The following ZMAT1 variants were observed in gnomAD, a reference collection of about 807,000 sequenced individuals.
ZMAT1 encodes the protein zinc finger matrin-type protein 1.
A neutral mutation model predicts 18.5 loss-of-function variants in ZMAT1; 11 were observed. The ratio of observed to expected loss-of-function variants is 0.59; its 90% confidence interval spans 0.37 to 0.98. The LOEUF is 0.98. ZMAT1 is among the 50% of genes least tolerant of loss of function. The probability of loss-of-function intolerance (pLI) is 0.01; values close to 1 mark genes in which losing one functional copy is unlikely to be tolerated. For missense variants in ZMAT1, 525 were observed against 496.2 expected (o/e 1.06, Z -0.55); for synonymous variants, 211 against 176.4 (o/e 1.20, Z -1.55).
rs150673343 is a variant in ZMAT1 at position 101,911,641 on chromosome X, G to A, written c.293-7311C>T. On this transcript the variant is annotated intron_variant, in intron 1 of 5. Coordinates refer to ENST00000651725, the MANE Select transcript of ZMAT1 (RefSeq NM_001394560.1). ...CCTCACCAAACATTAGCGAATCCAC[G>A]CTGGGGAGAAGCCAGCCCTACGAAT... 2.7e-3 allele frequency: 3,224 copies of A among 1,202,240 alleles called. 55 individuals are homozygous for A. The African/African-American group carries it at 0.049, about 18-fold the overall frequency.
intron 4 of ZMAT1, chrX:101,894,402 C>G (rs1301198747): frequency 1.3e-6 from 1 of 748,107 alleles, no homozygotes; most frequent in Non-Finnish European, 1.6e-6. Context: ...CAGCTTGGTG[C>G]TTCATTAAAT....
intron 4 of ZMAT1, chrX:101,887,319 C>T: frequency 1.5e-6 from 1 of 679,695 alleles, no homozygotes; most frequent in Non-Finnish European, 1.8e-6. Flanking sequence ...AACAAAACTA[C>T]TAGTTACCAC....
rs1044220982 is a variant in ZMAT1, at chrX:101,931,825, C to G, written c.184G>C (p.Gly62Arg). The G allele has an allele frequency of 6.4e-6, 5 of 783,449 alleles. No homozygotes were observed. Among genetic ancestry groups the G allele is most frequent in the East Asian group, 1.5e-4 (1 of 6,861 alleles). The allele number at this position is 783,449 out of a possible 1,213,427, so 64.6% of individuals were successfully genotyped here. The change falls in exon 1 of 6, where the codon GGT becomes CGT. Residue 62 changes from glycine (G) to arginine (R), a missense_variant. Transcript: ENST00000651725. The part of the protein sequence containing the change: ...ATSAPACPPA[G>R]GCGDGGGGGF... ...CCGCCGCCGCCGTCGCCACAGCCACCGGCAGGCGGGCAGGCAGGGGCGGAG... is the reference window on the plus strand; with the variant it reads ...CCGCCGCCGCCGTCGCCACAGCCACGGGCAGGCGGGCAGGCAGGGGCGGAG...
intron 1 of ZMAT1, chrX:101,915,654 C>G (rs189438240): frequency 1.8e-5 from 2 of 112,352 alleles, no homozygotes; most frequent in African/African-American, 6.5e-5. Context: ...ATGGCCCCTG[C>G]ATATGGATGA....
chrX:101,894,267 G>GA (rs1927641497), intron 4 of ZMAT1, among the ~76,000 whole-genome samples: 1 of 111,486 alleles, frequency 9.0e-6, no homozygotes, highest in Admixed American at 9.5e-5. Flanking sequence ...GATGCCAATG[G>GA]TGTTGATCCA....
intron 1 of ZMAT1, 155 bp downstream of exon 1, chrX:101,931,562 T>C (rs1930487435): frequency 1.4e-6 from 1 of 714,686 alleles, no homozygotes; most frequent in Non-Finnish European, 1.6e-6. Flanking sequence ...TCGGGGCTAA[T>C]ACGGCGGGGC....
At position 101,884,357 on chromosome X, in the gene ZMAT1, G is replaced by A; in HGVS notation, c.1241C>T (p.Ser414Leu). The change falls in exon 6 of 6, where the codon TCA (serine) becomes TTA (leucine). Residue 414 changes from serine to leucine, a missense_variant. Coordinates refer to ENST00000651725, the MANE Select transcript of ZMAT1 (RefSeq NM_001394560.1). The part of the protein sequence containing the change: ...PRSRMCEQRF[S>L]HEASQTYQRP... ...TTGGTAGGTCTGGGAAGCCTCATGT[G>A]AAAATCTTTGCTCACACATTCTTGA... 1.2e-5 allele frequency: 15 copies of A among 1,210,955 alleles called. No individual in the cohort carries two copies. Among genetic ancestry groups the A allele is most frequent in the Non-Finnish European group, 1.7e-5 (15 of 895,183 alleles).
chrX:101,911,571 C>T, intron 1 of ZMAT1: 1 of 1,142,910 alleles, frequency 8.7e-7, no homozygotes, highest in Non-Finnish European at 1.2e-6. Context: ...GGGAGAAGCC[C>T]TATGAATGCA....
intron 2 of ZMAT1, among the ~76,000 whole-genome samples, chrX:101,901,792 G>A (rs745641089): frequency 2.7e-5 from 3 of 111,478 alleles, no homozygotes; most frequent in South Asian, 7.4e-4. Context: ...TTTCCAAATT[G>A]CTTTTTAAAA....
chrX:101,927,979 T>C (rs1407816344), intron 1 of ZMAT1, among the ~76,000 whole-genome samples: 2 of 112,168 alleles, frequency 1.8e-5, no homozygotes, highest in African/African-American at 6.5e-5. Context: ...TATCTCCACC[T>C]GCCAAATGCA....
At chrX:101,906,629 G>C (rs1242049570) in intron 1 of ZMAT1, among the ~76,000 whole-genome samples, 2 of 111,730 alleles carry the variant, frequency 1.8e-5, no homozygotes, top group African/African-American at 6.5e-5. Context: ...GCTTGCCCCC[G>C]TGGACCCAGG....
In ZMAT1 at chrX:101,884,352, CAT is replaced by C; in HGVS notation, c.1244_1245del (p.His415ArgfsTer32). On this transcript the variant is annotated frameshift_variant, in exon 6 of 6. Coordinates refer to ENST00000651725, the MANE Select transcript of ZMAT1 (RefSeq NM_001394560.1). LOFTEE classifies it low-confidence loss of function (END_TRUNC). The part of the protein sequence containing the change: ...RSRMCEQRFS[H>X]EASQTYQRPY... ...GGTCGTTGGTAGGTCTGGGAAGCCTCATGTGAAAATCTTTGCTCACACATTCT... is the reference window on the plus strand; with the variant it reads ...GGTCGTTGGTAGGTCTGGGAAGCCTCGTGAAAATCTTTGCTCACACATTCT... The C allele has an allele frequency of 1.7e-6, 2 of 1,211,114 alleles. No homozygotes were observed. The highest frequency in any genetic ancestry group is 2.2e-6 in the Non-Finnish European group (2 of 895,216).
At chrX:101,927,551 G>T (rs1930129293) in intron 1 of ZMAT1, among the ~76,000 whole-genome samples, 1 of 112,173 alleles carries the variant, frequency 8.9e-6, no homozygotes, top group South Asian at 3.6e-4. Context: ...CAAAATAATT[G>T]GGAGTACTAG....
At position 101,898,169 on chromosome X, in the gene ZMAT1, G is replaced by T; in HGVS notation, c.451C>A (p.Gln151Lys). Residue 151 changes from glutamine to lysine, a missense_variant, in exon 3 of 6, where the codon CAA (glutamine) becomes AAA (lysine). By Grantham distance (53) the Gln-to-Lys change is moderately conservative (BLOSUM62 1). Coordinates refer to ENST00000651725, the MANE Select transcript of ZMAT1 (RefSeq NM_001394560.1). ...ATTTTCTTACCAGGCACTTCATTTT[G>T]TTCCCCATGCATTTGAAAATAAAAA... is the stretch of plus-strand genomic sequence containing the variant. ...VSFYFQMHGE[Q>K]NEVPGKKMKM... 1 of 1,210,685 alleles carries T rather than the reference G, an allele frequency of 8.3e-7. No homozygotes were observed. Among genetic ancestry groups the T allele is most frequent in the Non-Finnish European group, 1.1e-6 (1 of 895,019 alleles).
chrX:101,900,822 T>C (rs1262170081), intron 2 of ZMAT1, among the ~76,000 whole-genome samples: 2 of 111,829 alleles, frequency 1.8e-5, no homozygotes, highest in African/African-American at 6.5e-5. Context: ...AGAATTGTTT[T>C]TTATAATTCC....
At chrX:101,912,876 A>G (rs1048201414) in intron 1 of ZMAT1, among the ~76,000 whole-genome samples, 6 of 112,114 alleles carry the variant, frequency 5.4e-5, no homozygotes, top group Non-Finnish European at 1.1e-4. Flanking sequence ...AGTCTCACTG[A>G]CTTTGAGATG....
chrX:101,929,417 G>GATTATATATATATATATAT (rs1333708989), intron 1 of ZMAT1, among the ~76,000 whole-genome samples: 1 of 36,914 alleles, frequency 2.7e-5, no homozygotes, highest in Non-Finnish European at 5.9e-5. Context: ...TATATATAGA[G>GATTATATATATATATATAT]AGAGATTATA....
chrX:101,915,316 T>G lies in ZMAT1; in HGVS notation c.293-10986A>C, dbSNP rs369809823. ...GTGTCAAAACTGTTATTCAGCATAG[T>G]ACTAGAAGTCCTAGCTAGAGCAATC... On this transcript the variant is annotated intron_variant, in intron 1 of 5. Transcript: ENST00000651725. 4.9e-5 allele frequency among the ~76,000 whole-genome samples: 3 copies of G among 61,767 alleles called. No individual in the cohort carries two copies. In the East Asian group the frequency reaches 8.7e-4, roughly 18 times the overall value. The allele number at this position is 61,767 out of a possible 115,157, so 53.6% of individuals were successfully genotyped here.
chrX:101,931,148 T>C (rs1930454147), intron 1 of ZMAT1, among the ~76,000 whole-genome samples: 1 of 112,230 alleles, frequency 8.9e-6, no homozygotes, highest in Admixed American at 9.4e-5. Context: ...AGCTCAAGTA[T>C]ACACTTGTAA....
Sources: allele counts gnomAD v4.1 joint callset (sites outside exome capture counted in the v4.1 genomes callset), GRCh38; gene constraint gnomAD v4.1.1; transcripts MANE v1.5; gene names NCBI Gene and HGNC (gene_info 2026-07-23, HGNC 2026-07-21).